The following CYBRD1 variants were observed in gnomAD, a reference collection of about 807,000 sequenced individuals.
CYBRD1 encodes plasma membrane ascorbate-dependent reductase CYBRD1.
CYBRD1 carries 14 observed loss-of-function variants against 21.9 expected under a neutral mutation model. That is an observed-to-expected ratio of 0.64 (90% CI 0.42 to 1.00). CYBRD1 has a LOEUF of 1.00. Among genes scored for constraint, CYBRD1 ranks in the 50% least tolerant of loss-of-function variants. The pLI, the probability that CYBRD1 is intolerant of heterozygous loss-of-function variation, is 0.00. For synonymous variants in CYBRD1, 146 were observed against 136.5 expected (o/e 1.07, Z -0.48); for missense variants, 328 against 352.5 (o/e 0.93, Z 0.56).
chr2:171,523,144 C>G, intron 1 of CYBRD1: 1 of 321,362 alleles, frequency 3.1e-6, no homozygotes, highest in South Asian at 2.7e-5. Flanking sequence ...CCACGCGCCC[C>G]GGAAAGTCGC....
intron 1 of CYBRD1, among the ~76,000 whole-genome samples, chr2:171,533,897 G>A (rs1021600446): frequency 6.6e-6 from 1 of 151,560 alleles, no homozygotes; most frequent in Non-Finnish European, 1.5e-5. Flanking sequence ...ATAGAGACAG[G>A]GTTTCACCAC....
chr2:171,522,336 C>T, upstream of CYBRD1: 2 of 1,520,314 alleles, frequency 1.3e-6, no homozygotes, highest in Non-Finnish European at 1.8e-6. This position sits in a 1 kb window ranked among gnomAD's most constrained non-coding sequence, Gnocchi z 4.3. Context: ...CGCGTGATCC[C>T]GGGGGTGGGG....
At chr2:171,532,220 A>G (rs1054423069) in intron 1 of CYBRD1, among the ~76,000 whole-genome samples, 1 of 152,224 alleles carries the variant, frequency 6.6e-6, no homozygotes, top group African/African-American at 2.4e-5. Flanking sequence ...GTGGAGACTG[A>G]TAATCCTGTT....
Position 171,554,566 on chromosome 2 carries a change from C to T in CYBRD1, c.600C>T (p.Phe200=), listed in dbSNP as rs770358914. 2.2e-5 allele frequency: 36 copies of T among 1,613,630 alleles called. No homozygotes were observed. The Middle Eastern group carries it at 4.9e-4, about 22-fold the overall frequency. Residue 200 remains phenylalanine, a synonymous_variant, in exon 4 of 4, where the codon TTC becomes TTT. Coordinates refer to ENST00000321348, the MANE Select transcript of CYBRD1 (RefSeq NM_024843.4). The part of the protein sequence containing the change: ...AYSTFPPEGV[F]VNTLGLLILV... ...GTACATTCCCGCCAGAAGGTGTTTT[C>T]GTAAATACGCTTGGCCTTCTGATCC...
chr2:171,556,484 A>G lies in CYBRD1; in HGVS notation c.*1657A>G, dbSNP rs562377110. The G allele has an allele frequency of 5.3e-5, 8 of 152,254 alleles. No individual in the cohort carries two copies. The highest frequency in any genetic ancestry group is 1.0e-4 in the Non-Finnish European group (7 of 68,008). 9.4% of individuals were successfully genotyped at this position (152,254 alleles called of 1,614,324 possible). On this transcript the variant is annotated 3_prime_UTR_variant, in exon 4 of 4. Transcript: ENST00000321348. Reference sequence around the variant, plus strand: ...TGGTTGATTTTTTTGCCTTCCCTTCAATTTTAAACTGAAGCATTTTAATAT... The same window carrying G: ...TGGTTGATTTTTTTGCCTTCCCTTCGATTTTAAACTGAAGCATTTTAATAT...
rs775711731 is a variant in CYBRD1, at chr2:171,522,649, G to T, written c.104G>T (p.Arg35Leu). Residue 35 changes from arginine (R) to leucine (L), a missense_variant, in exon 1 of 4, where the codon CGA becomes CTA. Arg to Leu is a moderately radical substitution (Grantham distance 102). Coordinates refer to ENST00000321348, the MANE Select transcript of CYBRD1 (RefSeq NM_024843.4). This position sits in a 1 kb window ranked among gnomAD's most constrained non-coding sequence, Gnocchi z 4.3. ...IFALVWVLHY[R>L]EGLGWDGSAL... The stretch of plus-strand genomic sequence containing the variant: ...GCCCTCGTCTGGGTCCTCCACTACC[G>T]AGAGGGGCTTGGCTGGGATGGGAGC... 5 of 1,613,554 alleles carry T rather than the reference G, an allele frequency of 3.1e-6. No homozygotes were observed. The highest frequency in any genetic ancestry group is 4.2e-6 in the Non-Finnish European group (5 of 1,179,940).
chr2:171,547,843 A>G (rs966582079), intron 2 of CYBRD1, among the ~76,000 whole-genome samples: 4 of 151,996 alleles, frequency 2.6e-5, no homozygotes, highest in African/African-American at 9.7e-5. Context: ...AGGTTTGCTG[A>G]GCAGGGTTGT....
upstream of CYBRD1, chr2:171,522,369 C>A: frequency 6.7e-7 from 1 of 1,497,778 alleles, no homozygotes; most frequent in Non-Finnish European, 8.9e-7. The surrounding 1 kb of genome is among the most constrained non-coding windows in gnomAD (Gnocchi z 4.3). Flanking sequence ...TTGGGGCCAG[C>A]TCCCCACCCC....
chr2:171,554,664 C>T lies in CYBRD1; in HGVS notation c.698C>T (p.Thr233Ile). 5 of 1,614,058 alleles carry T rather than the reference C, an allele frequency of 3.1e-6. No individual in the cohort carries two copies. The highest frequency in any genetic ancestry group is 4.2e-6 in the Non-Finnish European group (5 of 1,179,982). Residue 233 changes from threonine (T) to isoleucine (I), a missense_variant, in exon 4 of 4, where the codon ACC (threonine) becomes ATC (isoleucine). Coordinates refer to ENST00000321348, the MANE Select transcript of CYBRD1 (RefSeq NM_024843.4). The part of the protein sequence containing the change: ...QWKRPKEPNS[T>I]ILHPNGGTEQ... Reference sequence around the variant, plus strand: ...AAACGTCCTAAGGAGCCAAATTCTACCATTCTTCATCCAAATGGAGGCACT... The same window carrying T: ...AAACGTCCTAAGGAGCCAAATTCTATCATTCTTCATCCAAATGGAGGCACT...
chr2:171,539,017 C>T (rs1697588891), intron 1 of CYBRD1, among the ~76,000 whole-genome samples: 3 of 152,056 alleles, frequency 2.0e-5, no homozygotes, highest in Non-Finnish European at 4.4e-5. Flanking sequence ...AGGCTTGTCT[C>T]GAACTCCTGA....
At position 171,538,861 on chromosome 2, in the gene CYBRD1, G is replaced by A. The variant is rs142186125; in HGVS notation, c.194-2724G>A. On this transcript the variant is annotated intron_variant, in intron 1 of 3. Coordinates refer to ENST00000321348, the MANE Select transcript of CYBRD1 (RefSeq NM_024843.4). ...TGCCCAGGCTGGAGTGCAATGGTGCGGTCTTGGTTTACTGCAACCTCCGCC... is the reference window on the plus strand; with the variant it reads ...TGCCCAGGCTGGAGTGCAATGGTGCAGTCTTGGTTTACTGCAACCTCCGCC... Among the ~76,000 whole-genome samples, 1,372 of 152,148 alleles carry A rather than the reference G, an allele frequency of 9.0e-3. 20 individuals carry two copies. Among genetic ancestry groups the A allele is most frequent in the African/African-American group, 0.027 (1,139 of 41,488 alleles).
chr2:171,537,155 T>C (rs191858992), intron 1 of CYBRD1, among the ~76,000 whole-genome samples: 110 of 152,160 alleles, frequency 7.2e-4, no homozygotes, highest in African/African-American at 2.5e-3. Flanking sequence ...GTGTGTGTGT[T>C]TGTGTGTCTG....
In CYBRD1 at chr2:171,554,510, C is replaced by T. The variant is rs777553752; in HGVS notation, c.558-14C>T. 8.1e-6 allele frequency: 13 copies of T among 1,613,310 alleles called. No homozygotes were observed. The South Asian group carries it at 1.2e-4, about 15-fold the overall frequency. On this transcript the variant is annotated splice_polypyrimidine_tract_variant and intron_variant, in intron 3 of 3. Coordinates refer to ENST00000321348, the MANE Select transcript of CYBRD1 (RefSeq NM_024843.4). ...TCATCCTGTTTGTAATTGGATACATCTCTTATTTCATAGGAGAGATCCTGC... is the reference window on the plus strand; with the variant it reads ...TCATCCTGTTTGTAATTGGATACATTTCTTATTTCATAGGAGAGATCCTGC...
chr2:171,544,302 A>AT (rs1183844261), intron 2 of CYBRD1, among the ~76,000 whole-genome samples: 2 of 152,120 alleles, frequency 1.3e-5, no homozygotes, highest in Non-Finnish European at 2.9e-5. Context: ...TGAAGCTTGC[A>AT]TTTTCTCTGT....
intron 3 of CYBRD1, among the ~76,000 whole-genome samples, chr2:171,554,122 A>G (rs1476094729): frequency 6.6e-6 from 1 of 152,170 alleles, no homozygotes; most frequent in Non-Finnish European, 1.5e-5. Flanking sequence ...AACCAATCAG[A>G]GATACTTTCA....
chr2:171,538,806 T>C (rs1363215645), intron 1 of CYBRD1, among the ~76,000 whole-genome samples: 2 of 152,178 alleles, frequency 1.3e-5, no homozygotes, highest in Admixed American at 1.3e-4. Flanking sequence ...TGTTTGTTTG[T>C]TTGTTTTTTG....
In CYBRD1 at chr2:171,522,785, G is replaced by A. The variant is rs1228738437; in HGVS notation, c.193+47G>A. 1.2e-6 allele frequency: 2 copies of A among 1,610,522 alleles called. No individual in the cohort carries two copies. Among genetic ancestry groups the A allele is most frequent in the Non-Finnish European group, 8.5e-7 (1 of 1,178,624 alleles). On this transcript the variant is annotated intron_variant, in intron 1 of 3. Coordinates refer to ENST00000321348, the MANE Select transcript of CYBRD1 (RefSeq NM_024843.4). The surrounding 1 kb of genome is among the most constrained non-coding windows in gnomAD (Gnocchi z 4.3). ...GTGCGGGGAGGAAAGCGGGGAGAACGGCGGGGGCAGAGGGTCCTCCGTGAA... is the reference window on the plus strand; with the variant it reads ...GTGCGGGGAGGAAAGCGGGGAGAACAGCGGGGGCAGAGGGTCCTCCGTGAA...
At chr2:171,541,858 T>TTTA in intron 2 of CYBRD1, 65 bp downstream of exon 2, 7 of 1,251,576 alleles carry the variant, frequency 5.6e-6, no homozygotes, top group Non-Finnish European at 6.7e-6. Context: ...AATGTTTTCT[T>TTTA]TTCTTTTTTT....
At chr2:171,527,632 G>T (rs900162736) in intron 1 of CYBRD1, among the ~76,000 whole-genome samples, 1 of 152,156 alleles carries the variant, frequency 6.6e-6, no homozygotes, top group Non-Finnish European at 1.5e-5. Flanking sequence ...TCTAGCTGAT[G>T]AGAATGTTGC....
Sources: allele counts gnomAD v4.1 joint callset (sites outside exome capture counted in the v4.1 genomes callset), GRCh38; gene constraint gnomAD v4.1.1; non-coding constraint Gnocchi (gnomAD v3.1); transcripts MANE v1.5; gene names NCBI Gene and HGNC (gene_info 2026-07-23, HGNC 2026-07-21).